Variants in CDKAL1 observed in about 807,000 individuals in gnomAD.
CDKAL1 encodes the protein CDKAL1 threonylcarbamoyladenosine tRNA methylthiotransferase.
CDKAL1 carries 32 observed loss-of-function variants against 68.2 expected under a neutral mutation model. The ratio of observed to expected loss-of-function variants is 0.47; its 90% CI spans 0.35 to 0.63. The LOEUF is 0.63. CDKAL1 is among the 30% of genes least tolerant of loss of function. CDKAL1 has a pLI of 0.00. For missense variants in CDKAL1, 606 were observed against 696.7 expected (o/e 0.87, Z 1.47); for synonymous variants, 234 against 244.3 (o/e 0.96, Z 0.39).
intron 11 of CDKAL1, among the ~76,000 whole-genome samples, chr6:21,055,256 G>C (rs1770763488): frequency 6.6e-6 from 1 of 151,914 alleles, no homozygotes; most frequent in Non-Finnish European, 1.5e-5. Flanking sequence ...GCCAGGTTCA[G>C]TTTGCCAATA....
chr6:20,831,234 C>T (rs903118840), intron 8 of CDKAL1, among the ~76,000 whole-genome samples: 1 of 152,088 alleles, frequency 6.6e-6, no homozygotes, highest in Non-Finnish European at 1.5e-5. Context: ...GTGATGAACT[C>T]TTGGAAAACA....
intron 10 of CDKAL1, among the ~76,000 whole-genome samples, chr6:20,995,605 G>A (rs1272085950): frequency 1.3e-5 from 2 of 152,128 alleles, no homozygotes; most frequent in Non-Finnish European, 2.9e-5. Context: ...TCGATAGTGG[G>A]TTTAAAATAT....
At chr6:20,661,390 T>C (rs1237200056) in intron 5 of CDKAL1, among the ~76,000 whole-genome samples, 1 of 152,142 alleles carries the variant, frequency 6.6e-6, no homozygotes, top group East Asian at 1.9e-4. Context: ...GAAGAGTTTT[T>C]TGTAAAGTAG....
chr6:20,691,297 GAGC>G (rs61243430), intron 5 of CDKAL1, among the ~76,000 whole-genome samples: 26,716 of 151,690 alleles, frequency 0.18, 2,485 homozygotes, highest in East Asian at 0.37. Flanking sequence ...GGCAGACCCT[GAGC>G]AGCGACTGCT....
intron 5 of CDKAL1, among the ~76,000 whole-genome samples, chr6:20,656,827 G>C (rs1357653686): frequency 2.0e-5 from 3 of 152,092 alleles, no homozygotes; most frequent in Non-Finnish European, 4.4e-5. Context: ...AGCAAGCACA[G>C]GTTCCTTTAA....
intron 5 of CDKAL1, among the ~76,000 whole-genome samples, chr6:20,683,939 C>G (rs1234685655): frequency 6.6e-6 from 1 of 152,180 alleles, no homozygotes; most frequent in Non-Finnish European, 1.5e-5. Context: ...CCCCAGATAT[C>G]AGATAGTGGG....
At chr6:20,610,034 T>C (rs1486722436) in intron 4 of CDKAL1, among the ~76,000 whole-genome samples, 6 of 152,128 alleles carry the variant, frequency 3.9e-5, no homozygotes, top group African/African-American at 1.4e-4. Context: ...CAGTATTTGG[T>C]TTTCTGTTCC....
chr6:20,911,552 T>A, intron 9 of CDKAL1, among the ~76,000 whole-genome samples: 1 of 152,348 alleles, frequency 6.6e-6, no homozygotes, highest in East Asian at 1.9e-4. Context: ...TTAAAGGAAT[T>A]TGCTACAAGT....
intron 11 of CDKAL1, among the ~76,000 whole-genome samples, chr6:21,032,059 C>T (rs936255757): frequency 2.0e-5 from 3 of 152,120 alleles, no homozygotes; most frequent in Non-Finnish European, 4.4e-5. Flanking sequence ...GCCCCCTTCC[C>T]ACCATCTTAA....
intron 4 of CDKAL1, among the ~76,000 whole-genome samples, chr6:20,600,795 C>CATATATATAT (rs1561956347): frequency 5.7e-5 from 7 of 123,494 alleles, no homozygotes; most frequent in African/African-American, 1.9e-4. Flanking sequence ...TATACACACA[C>CATATATATAT]ACACATGAAT....
intron 13 of CDKAL1, among the ~76,000 whole-genome samples, chr6:21,159,191 A>G (rs1776790098): frequency 6.6e-6 from 1 of 151,464 alleles, no homozygotes. Context: ...AATGAGTGTA[A>G]TAGAGTTGGG....
intron 8 of CDKAL1, among the ~76,000 whole-genome samples, chr6:20,825,370 G>T (rs1777462100): frequency 6.6e-6 from 1 of 152,056 alleles, no homozygotes; most frequent in Admixed American, 6.6e-5. Flanking sequence ...GAGACTGCAG[G>T]GTTCTTAGGG....
chr6:21,201,387 A>C, intron 15 of CDKAL1, 113 bp downstream of exon 15: 1 of 864,710 alleles, frequency 1.2e-6, no homozygotes, highest in Non-Finnish European at 1.7e-6. Flanking sequence ...TTATGTATGC[A>C]TGAGGCTTTA....
chr6:21,063,040 G>A (rs1261716377), intron 11 of CDKAL1, among the ~76,000 whole-genome samples: 4 of 152,040 alleles, frequency 2.6e-5, no homozygotes, highest in Non-Finnish European at 5.9e-5. Flanking sequence ...TCAGCCACCC[G>A]AAGAGCTGGG....
intron 15 of CDKAL1, among the ~76,000 whole-genome samples, chr6:21,207,529 T>C (rs1333676328): frequency 6.6e-6 from 1 of 152,068 alleles, no homozygotes; most frequent in African/African-American, 2.4e-5. Context: ...AAAAAAAAAG[T>C]ACTTTGCGTT....
At chr6:20,784,773 A>G (rs1775598113) in intron 8 of CDKAL1, among the ~76,000 whole-genome samples, 1 of 152,124 alleles carries the variant, frequency 6.6e-6, no homozygotes. Context: ...TGGCACACAC[A>G]TGGATACAGA....
intron 15 of CDKAL1, 95 bp from the exon 16 acceptor site, chr6:21,230,753 G>A (rs971426259): frequency 1.8e-5 from 17 of 970,658 alleles, no homozygotes; most frequent in Non-Finnish European, 2.2e-5. Flanking sequence ...GTACATAAAA[G>A]GCGGCACCTT....
At chr6:20,801,821 A>C (rs917714652) in intron 8 of CDKAL1, among the ~76,000 whole-genome samples, 24 of 152,192 alleles carry the variant, frequency 1.6e-4, no homozygotes, top group African/African-American at 5.3e-4. Context: ...TCAAAGCTGT[A>C]ATCCCCTCCC....
chr6:20,600,535 A>G (rs922709115), intron 4 of CDKAL1, among the ~76,000 whole-genome samples: 2 of 152,058 alleles, frequency 1.3e-5, no homozygotes, highest in Admixed American at 6.6e-5. Flanking sequence ...GTAAGACCTC[A>G]GGATAAATAC....
Sources: allele counts gnomAD v4.1 joint callset (sites outside exome capture counted in the v4.1 genomes callset), GRCh38; gene constraint gnomAD v4.1.1; transcripts MANE v1.5; gene names NCBI Gene and HGNC (gene_info 2026-07-23, HGNC 2026-07-21).